MACROD2: variants seen among roughly 807,000 people sequenced by gnomAD.
MACROD2 encodes the protein mono-ADP ribosylhydrolase 2.
A neutral mutation model predicts 70.4 loss-of-function variants in MACROD2; 36 were observed. The ratio of observed to expected loss-of-function variants is 0.51; its 90% CI spans 0.39 to 0.68. The LOEUF (loss-of-function observed/expected upper bound fraction) is 0.68, where lower values mean the gene tolerates loss of function less well. MACROD2 is among the 30% of genes least tolerant of loss of function. MACROD2 has a pLI of 0.00. For missense variants in MACROD2, 496 were observed against 538.4 expected (o/e 0.92, Z 0.78); for synonymous variants, 172 against 178.8 (o/e 0.96, Z 0.30).
chr20:15,633,360 A>G (rs1268467948), intron 8 of MACROD2, among the ~76,000 whole-genome samples: 3 of 152,224 alleles, frequency 2.0e-5, no homozygotes, highest in Non-Finnish European at 4.4e-5. Context: ...CTACTTTCCA[A>G]TGGAGATATA....
chr20:15,950,752 G>T (rs1170119487), intron 12 of MACROD2, among the ~76,000 whole-genome samples: 2 of 152,224 alleles, frequency 1.3e-5, no homozygotes, highest in African/African-American at 4.8e-5. Context: ...TTTGATAAAT[G>T]AGTTCAGCAG....
chr20:15,236,378 C>T (rs1479112157), intron 6 of MACROD2, among the ~76,000 whole-genome samples: 2 of 152,164 alleles, frequency 1.3e-5, no homozygotes, highest in African/African-American at 4.8e-5. Flanking sequence ...ACCAAACCCA[C>T]ATTGACAGAT....
intron 8 of MACROD2, among the ~76,000 whole-genome samples, chr20:15,502,694 A>G (rs1189461841): frequency 1.3e-5 from 2 of 152,176 alleles, no homozygotes; most frequent in Admixed American, 1.3e-4. Flanking sequence ...ACAAGCGTCA[A>G]GTTTGGGGTA....
intron 3 of MACROD2, among the ~76,000 whole-genome samples, chr20:14,150,223 G>A (rs899481758): frequency 3.3e-5 from 5 of 152,044 alleles, no homozygotes; most frequent in South Asian, 4.1e-4. Context: ...AACTGAGGTC[G>A]GAGATGGTTT....
intron 6 of MACROD2, among the ~76,000 whole-genome samples, chr20:15,240,505 A>G (rs1355519860): frequency 6.6e-6 from 1 of 152,200 alleles, no homozygotes; most frequent in East Asian, 1.9e-4. Flanking sequence ...CGAGTTAGTT[A>G]TGATCGCACC....
chr20:14,794,003 G>A (rs906680465), intron 5 of MACROD2, among the ~76,000 whole-genome samples: 1 of 152,036 alleles, frequency 6.6e-6, no homozygotes, highest in African/African-American at 2.4e-5. Context: ...GCTGTGAAGA[G>A]GAGGTGTAGC....
At chr20:14,127,506 A>G in intron 3 of MACROD2, 1 of 500,168 alleles carries the variant, frequency 2.0e-6, no homozygotes, top group Non-Finnish European at 3.7e-6. Context: ...GAATATCTTA[A>G]GCAGCAAGTT....
intron 3 of MACROD2, among the ~76,000 whole-genome samples, chr20:14,451,024 G>A (rs1268525929): frequency 6.6e-6 from 1 of 152,058 alleles, no homozygotes; most frequent in Non-Finnish European, 1.5e-5. Context: ...CTTAATTTGA[G>A]TTACCCCCAA....
chr20:14,713,805 G>A (rs2071365603), intron 5 of MACROD2, among the ~76,000 whole-genome samples: 1 of 152,264 alleles, frequency 6.6e-6, no homozygotes, highest in South Asian at 2.1e-4. Context: ...GCAAAACAAG[G>A]CATGATTAAT....
chr20:15,749,974 A>G (rs2051243274), intron 8 of MACROD2, among the ~76,000 whole-genome samples: 1 of 152,154 alleles, frequency 6.6e-6, no homozygotes, highest in Admixed American at 6.6e-5. Context: ...CCTCAAAAGC[A>G]CAGGCAACAG....
At chr20:15,039,535 A>G (rs970291) in intron 5 of MACROD2, among the ~76,000 whole-genome samples, 48,028 of 152,026 alleles carry the variant, frequency 0.32, 10,646 homozygotes, top group African/African-American at 0.64. Context: ...AGTATTCTGC[A>G]TGGCCAGGTG....
intron 4 of MACROD2, among the ~76,000 whole-genome samples, chr20:14,534,649 C>G (rs1256609841): frequency 6.6e-6 from 1 of 152,170 alleles, no homozygotes; most frequent in African/African-American, 2.4e-5. Context: ...ATCAGATCCT[C>G]AGAGTCTAAA....
intron 6 of MACROD2, among the ~76,000 whole-genome samples, chr20:15,357,309 T>A (rs7269753): frequency 0.051 from 7,761 of 152,242 alleles, 664 homozygotes; most frequent in African/African-American, 0.17. Context: ...CTTGACTGTA[T>A]GCTATAAATA....
Position 14,277,085 on chromosome 20 carries a change from G to T in MACROD2, c.271+191357G>T, listed in dbSNP as rs146349782. Reference sequence around the variant, plus strand: ...AGTGCCAGCACTGTGGAAGTCCCTGGCTAGCTGATGATTTGAGATCAGCAT... The same window carrying T: ...AGTGCCAGCACTGTGGAAGTCCCTGTCTAGCTGATGATTTGAGATCAGCAT... On this transcript the variant is annotated intron_variant, in intron 3 of 17. Coordinates refer to ENST00000684519, the MANE Select transcript of MACROD2 (RefSeq NM_001351661.2). Among the ~76,000 whole-genome samples the T allele has an allele frequency of 1.4e-3, 214 of 152,198 alleles. 2 individuals are homozygous for T. The East Asian group carries it at 0.039, about 28-fold the overall frequency.
intron 3 of MACROD2, among the ~76,000 whole-genome samples, chr20:14,229,122 G>A (rs940752824): frequency 2.0e-5 from 3 of 152,158 alleles, no homozygotes; most frequent in African/African-American, 7.2e-5. Context: ...TAAAACTTTA[G>A]GAGATAACAT....
intron 5 of MACROD2, among the ~76,000 whole-genome samples, chr20:15,049,738 A>G (rs1480294555): frequency 6.6e-6 from 1 of 152,120 alleles, no homozygotes; most frequent in Non-Finnish European, 1.5e-5. Context: ...ACCTGAGGTT[A>G]GGAGTTCAAG....
rs1450730057 is a variant in MACROD2 at position 14,572,701 on chromosome 20, A to G, written c.301+79193A>G. Reference sequence around the variant, plus strand: ...ATAGTGGTTACCATTGGGGGTTTGTATTGTGACTGGAAGTTGGCATGAGGA... The same window carrying G: ...ATAGTGGTTACCATTGGGGGTTTGTGTTGTGACTGGAAGTTGGCATGAGGA... On this transcript the variant is annotated intron_variant, in intron 4 of 17. Transcript: ENST00000684519. Among the ~76,000 whole-genome samples, 3 of 152,024 alleles carry G rather than the reference A, an allele frequency of 2.0e-5. No homozygotes were observed. In the East Asian group the frequency reaches 5.8e-4, roughly 29 times the overall value.
intron 15 of MACROD2, among the ~76,000 whole-genome samples, chr20:16,020,820 C>T (rs934837924): frequency 5.9e-5 from 9 of 151,986 alleles, no homozygotes; most frequent in African/African-American, 1.9e-4. Flanking sequence ...AAGCCTCGCT[C>T]GGCTCTGGTC....
At chr20:14,384,335 G>GA (rs1381032243) in intron 3 of MACROD2, among the ~76,000 whole-genome samples, 1 of 151,978 alleles carries the variant, frequency 6.6e-6, no homozygotes, top group African/African-American at 2.4e-5. Flanking sequence ...CTAATATTGG[G>GA]AAAAAAAGTT....
Sources: allele counts gnomAD v4.1 joint callset (sites outside exome capture counted in the v4.1 genomes callset), GRCh38; gene constraint gnomAD v4.1.1; transcripts MANE v1.5; gene names NCBI Gene and HGNC (gene_info 2026-07-23, HGNC 2026-07-21).